The following DCC variants were observed in gnomAD, a reference collection of about 807,000 sequenced individuals.
DCC encodes the protein DCC netrin 1 receptor, also known as netrin receptor DCC.
DCC carries 58 observed loss-of-function variants against 172.5 expected under a neutral mutation model. The ratio of observed to expected loss-of-function variants is 0.34; its 90% confidence interval spans 0.27 to 0.42. The LOEUF is 0.42. Among genes scored for constraint, DCC ranks in the 10% least tolerant of loss-of-function variants. The pLI is 1.00. For synonymous variants in DCC, 709 were observed against 644.5 expected (o/e 1.10, Z -1.52); for missense variants, 1,740 against 1,791.0 (o/e 0.97, Z 0.51).
intron 15 of DCC, among the ~76,000 whole-genome samples, chr18:53,367,331 A>G (rs368122413): frequency 6.6e-6 from 1 of 152,148 alleles, no homozygotes; most frequent in East Asian, 1.9e-4. Flanking sequence ...AATTCTTGAA[A>G]AACAACAAAA....
At chr18:53,361,391 C>A (rs762062944) in intron 15 of DCC, among the ~76,000 whole-genome samples, 4 of 152,268 alleles carry the variant, frequency 2.6e-5, no homozygotes, top group South Asian at 2.1e-4. Context: ...TCTGAACCAG[C>A]ATTTCCTACT....
rs192005296 is a variant in DCC, at chr18:52,808,023, C to T, written c.412+55649C>T. On this transcript the variant is annotated intron_variant, in intron 2 of 28. Transcript: ENST00000442544. The stretch of plus-strand genomic sequence containing the variant: ...GCCTTGGCTCTGGGGTTGCTGTGAC[C>T]GCTAATGCTTTGTGTTGCTAAAACC... Among the ~76,000 whole-genome samples, 391 of 152,212 alleles carry T rather than the reference C, an allele frequency of 2.6e-3. 2 individuals are homozygous for T. Among genetic ancestry groups the T allele is most frequent in the African/African-American group, 9.0e-3 (374 of 41,518 alleles).
intron 5 of DCC, chr18:52,934,815 A>T (rs1051782793): frequency 6.6e-6 from 1 of 152,258 alleles, no homozygotes; most frequent in East Asian, 1.9e-4. Context: ...GCACAGAGAG[A>T]AAAGGCCATG....
chr18:53,343,917 T>C (rs1220695208), intron 15 of DCC, among the ~76,000 whole-genome samples: 3 of 152,050 alleles, frequency 2.0e-5, no homozygotes, highest in Non-Finnish European at 4.4e-5. Flanking sequence ...TCATTTTGTC[T>C]CTTGTTGGCA....
In DCC at chr18:53,351,399, G is replaced by GTATATATATACAC. The variant is rs1568075098; in HGVS notation, c.2359+11493_2359+11494insATATATATACACT. 5.4e-4 allele frequency among the ~76,000 whole-genome samples: 13 copies of GTATATATATACAC among 24,092 alleles called. 1 individual carries two copies. Among genetic ancestry groups the GTATATATATACAC allele is most frequent in the African/African-American group, 2.1e-3 (12 of 5,620 alleles). The allele number at this position is 24,092 out of a possible 152,430, so 15.8% of individuals were successfully genotyped here. A position where few individuals can be genotyped will look rare whatever the true frequency, so the allele number is the denominator to read the frequency against. On this transcript the variant is annotated intron_variant, in intron 15 of 28. Coordinates refer to ENST00000442544, the MANE Select transcript of DCC (RefSeq NM_005215.4). The stretch of plus-strand genomic sequence containing the variant: ...TATATATACAGTATATATATATACA[G>GTATATATATACAC]TGTATATATATATATATACACACTG...
At chr18:52,362,726 T>C (rs114224632) in intron 1 of DCC, among the ~76,000 whole-genome samples, 1,703 of 152,260 alleles carry the variant, frequency 0.011, 32 homozygotes, top group African/African-American at 0.038. Context: ...AATCTCCCTA[T>C]AGGCAGGTTG....
At chr18:52,928,688 G>A (rs749170199) in intron 5 of DCC, among the ~76,000 whole-genome samples, 1 of 152,126 alleles carries the variant, frequency 6.6e-6, no homozygotes, top group Non-Finnish European at 1.5e-5. Context: ...AAGTACGTAG[G>A]TCGAGCCCAT....
rs576853164 is a variant in DCC, at chr18:53,430,953, T to C, written c.3164-4191T>C. Among the ~76,000 whole-genome samples, 6 of 152,252 alleles carry C rather than the reference T, an allele frequency of 3.9e-5. No individual in the cohort carries two copies. In the East Asian group the frequency reaches 9.6e-4, roughly 24 times the overall value. ...GTGCCAAAAAGGGATAAAAAGAAGA[T>C]TCCTTATGAGGCCCATCTTTTAAAT... On this transcript the variant is annotated intron_variant, in intron 21 of 28. Coordinates refer to ENST00000442544, the MANE Select transcript of DCC (RefSeq NM_005215.4).
chr18:52,930,252 A>C (rs1397970163), intron 5 of DCC, among the ~76,000 whole-genome samples: 1 of 152,142 alleles, frequency 6.6e-6, no homozygotes, highest in Non-Finnish European at 1.5e-5. Flanking sequence ...GGCATGAGCC[A>C]TCGCACCCAA....
chr18:52,790,662 C>T (rs1159143411), intron 2 of DCC, among the ~76,000 whole-genome samples: 1 of 152,188 alleles, frequency 6.6e-6, no homozygotes, highest in Non-Finnish European at 1.5e-5. Context: ...AGAGGTACTG[C>T]TTCCTTTCCT....
At chr18:53,098,524 C>T (rs918581862) in intron 7 of DCC, among the ~76,000 whole-genome samples, 3 of 152,114 alleles carry the variant, frequency 2.0e-5, no homozygotes, top group Non-Finnish European at 2.9e-5. Flanking sequence ...TCCAGTGTTT[C>T]GTGATGATTA....
At chr18:52,727,840 T>C (rs1372571700) in intron 1 of DCC, among the ~76,000 whole-genome samples, 1 of 152,216 alleles carries the variant, frequency 6.6e-6, no homozygotes, top group Non-Finnish European at 1.5e-5. Flanking sequence ...GTTTGGATTA[T>C]GGTTTTTAAA....
intron 2 of DCC, among the ~76,000 whole-genome samples, chr18:52,811,901 G>A (rs766965898): frequency 1.3e-5 from 2 of 151,958 alleles, no homozygotes; most frequent in African/African-American, 2.4e-5. Context: ...ACAAAATTTC[G>A]GTTTATTCTG....
At chr18:53,422,459 C>A in intron 21 of DCC, among the ~76,000 whole-genome samples, 1 of 152,114 alleles carries the variant, frequency 6.6e-6, no homozygotes, top group East Asian at 1.9e-4. Flanking sequence ...TGGAGAATCT[C>A]TGCTCTTGAC....
intron 7 of DCC, among the ~76,000 whole-genome samples, chr18:53,124,399 A>G (rs867494443): frequency 8.5e-5 from 13 of 152,098 alleles, no homozygotes; most frequent in African/African-American, 2.4e-4. Flanking sequence ...TATCAAGTTC[A>G]TAGTCAGCAA....
intron 26 of DCC, among the ~76,000 whole-genome samples, chr18:53,497,410 G>A (rs1026332178): frequency 1.3e-5 from 2 of 152,200 alleles, no homozygotes; most frequent in African/African-American, 2.4e-5. Context: ...GGAAGGAATT[G>A]CTATCAAGGA....
chr18:52,824,112 G>C (rs2038461216), intron 2 of DCC, among the ~76,000 whole-genome samples: 1 of 152,180 alleles, frequency 6.6e-6, no homozygotes, highest in African/African-American at 2.4e-5. Flanking sequence ...CTCCCTGGTT[G>C]ACTTGATTTA....
chr18:53,003,324 T>C (rs138017041), intron 5 of DCC, among the ~76,000 whole-genome samples: 17 of 152,200 alleles, frequency 1.1e-4, no homozygotes, highest in African/African-American at 4.1e-4. Context: ...AACTAAGAGG[T>C]CCCTTCCTCT....
intron 1 of DCC, among the ~76,000 whole-genome samples, chr18:52,519,157 G>T (rs1162984045): frequency 6.6e-6 from 1 of 152,176 alleles, no homozygotes; most frequent in Non-Finnish European, 1.5e-5. Flanking sequence ...TGCTTGTGTG[G>T]GAGAGCTCCA....
Sources: gnomAD v4.1 joint callset for allele counts (sites outside exome capture counted in the v4.1 genomes callset) on GRCh38, gnomAD v4.1.1 for gene constraint, MANE v1.5 for transcripts, NCBI Gene and HGNC (gene_info 2026-07-23, HGNC 2026-07-21) for gene names.